SIN3B: variants seen among roughly 807,000 people sequenced by gnomAD.
SIN3B encodes the protein paired amphipathic helix protein Sin3b.
Under a neutral mutation model 120.2 loss-of-function variants are expected in SIN3B, and 19 were observed. The observed-to-expected ratio is 0.16, with a 90% CI of 0.11 to 0.23. The LOEUF (loss-of-function observed/expected upper bound fraction) is 0.23, where lower values mean the gene tolerates loss of function less well. Among genes scored for constraint, SIN3B ranks in the 10% least tolerant of loss-of-function variants. The pLI is 1.00. For synonymous variants in SIN3B, 654 were observed against 653.2 expected, an observed-to-expected ratio of 1.00 and a Z score of -0.02; for missense variants, 1,073 against 1,573.0, an observed-to-expected ratio of 0.68 and a Z score of 5.38.
intron 5 of SIN3B, among the ~76,000 whole-genome samples, chr19:16,848,509 A>AT (rs1193525854): frequency 1.6e-5 from 1 of 64,286 alleles, no homozygotes; most frequent in Non-Finnish European, 3.2e-5. Flanking sequence ...GTTTGTTTTT[A>AT]TTTTTTGAGA....
intron 6 of SIN3B, among the ~76,000 whole-genome samples, chr19:16,852,054 G>A (rs1275375753): frequency 6.6e-6 from 1 of 152,206 alleles, no homozygotes; most frequent in Non-Finnish European, 1.5e-5. Flanking sequence ...TGGACTCTGG[G>A]TTATAATCCA....
chr19:16,848,616 C>G (rs1044767823), intron 5 of SIN3B, among the ~76,000 whole-genome samples: 1 of 152,166 alleles, frequency 6.6e-6, no homozygotes, highest in African/African-American at 2.4e-5. Flanking sequence ...ATCCTCCCAC[C>G]TCAGCCTCCT....
At chr19:16,856,953 C>T (rs1319246770) in intron 8 of SIN3B, among the ~76,000 whole-genome samples, 1 of 152,114 alleles carries the variant, frequency 6.6e-6, no homozygotes, top group African/African-American at 2.4e-5. Flanking sequence ...TAGCCCTTTT[C>T]CCATTTACCC....
chr19:16,868,960 G>A (rs1213138307), intron 12 of SIN3B, among the ~76,000 whole-genome samples: 1 of 152,186 alleles, frequency 6.6e-6, no homozygotes, highest in African/African-American at 2.4e-5. Flanking sequence ...CAGAGGCAGA[G>A]AGGTCACGGC....
intron 14 of SIN3B, among the ~76,000 whole-genome samples, chr19:16,873,625 T>A (rs887332665): frequency 1.3e-5 from 2 of 150,574 alleles, no homozygotes; most frequent in Non-Finnish European, 3.0e-5. Flanking sequence ...ATGGAAAGCA[T>A]TGATTAATGC....
At chr19:16,874,086 C>T (rs2051549200) in intron 14 of SIN3B, among the ~76,000 whole-genome samples, 1 of 152,246 alleles carries the variant, frequency 6.6e-6, no homozygotes, top group Non-Finnish European at 1.5e-5. Flanking sequence ...CCCACGATCC[C>T]TGCTGTTTCC....
chr19:16,841,707 G>T, intron 3 of SIN3B, 61 bp from the exon 4 acceptor site: 1 of 1,482,094 alleles, frequency 6.7e-7, no homozygotes, highest in Non-Finnish European at 9.4e-7. Flanking sequence ...GCTGGGCCTG[G>T]TGTTTTTCAC....
Position 16,870,095 on chromosome 19 carries a change from C to G in SIN3B, c.2422+20C>G. The G allele has an allele frequency of 6.4e-7, 1 of 1,551,274 alleles. No homozygotes were observed. Among genetic ancestry groups the G allele is most frequent in the Non-Finnish European group, 8.7e-7 (1 of 1,147,450 alleles). On this transcript the variant is annotated intron_variant, in intron 13 of 18. Transcript: ENST00000248054. Reference sequence around the variant, plus strand: ...AGCCCAGTAAGGCTCCAAAGCCTGCCGGGAGGCCCCGGGGGGTGCCTGGGG... The same window carrying G: ...AGCCCAGTAAGGCTCCAAAGCCTGCGGGGAGGCCCCGGGGGGTGCCTGGGG...
In SIN3B at chr19:16,878,787, G is replaced by A. The variant is rs1047651436; in HGVS notation, c.*60G>A. 1 of 1,429,094 alleles carries A rather than the reference G, an allele frequency of 7.0e-7. No individual in the cohort carries two copies. The highest frequency in any genetic ancestry group is 9.4e-7 in the Non-Finnish European group (1 of 1,060,502). 88.5% of individuals were successfully genotyped at this position (1,429,094 alleles called of 1,614,324 possible). On this transcript the variant is annotated 3_prime_UTR_variant, in exon 19 of 19. Transcript: ENST00000248054. The stretch of plus-strand genomic sequence containing the variant: ...GAGCACAGACGTGCCCTCGGCCTTG[G>A]TCGTGTCGGGGCCGTTTTCTTGAAC...
At chr19:16,854,892 AATATT>A (rs1489260176) in intron 8 of SIN3B, 2 of 152,156 alleles carry the variant, frequency 1.3e-5, no homozygotes, top group Non-Finnish European at 2.9e-5. Flanking sequence ...TTCAGTGTTT[AATATT>A]AGAAGTGTTT....
chr19:16,829,433 G>GGCGGTGGCA lies in SIN3B; in HGVS notation c.29_37dup (p.Gly10_Gly12dup), dbSNP rs554426140. ...TCCGACTTCGGACATGGCGCACGCT[G>GGCGGTGGCA]GCGGTGGCAGCGGTGGCAGCGGTGC... On this transcript the variant is annotated inframe_insertion, in exon 1 of 19. Coordinates refer to ENST00000248054, the MANE Select transcript of SIN3B (RefSeq NM_001297595.2). 2,034 of 1,208,856 alleles carry GGCGGTGGCA rather than the reference G, an allele frequency of 1.7e-3. 12 individuals carry two copies. Among genetic ancestry groups the GGCGGTGGCA allele is most frequent in the South Asian group, 3.3e-3 (80 of 24,108 alleles). The allele number at this position is 1,208,856 out of a possible 1,614,324, so 74.9% of individuals were successfully genotyped here.
chr19:16,878,163 C>T lies in SIN3B; in HGVS notation c.2955-20C>T, dbSNP rs760196789. The T allele has an allele frequency of 1.9e-5, 30 of 1,538,478 alleles. No homozygotes were observed. In the South Asian group the frequency reaches 3.0e-4, roughly 16 times the overall value. On this transcript the variant is annotated intron_variant, in intron 17 of 18. Coordinates refer to ENST00000248054, the MANE Select transcript of SIN3B (RefSeq NM_001297595.2). ...ACAATGCCGAGAGCCAGAGTCCATT[C>T]CACCTCCTTTCGCCCCCAGGAACCT...
chr19:16,837,079 G>T (rs1971358195), intron 3 of SIN3B, among the ~76,000 whole-genome samples: 1 of 152,110 alleles, frequency 6.6e-6, no homozygotes, highest in Admixed American at 6.6e-5. Context: ...AGGGAAGGGT[G>T]GGAGGAGGTT....
intron 5 of SIN3B, among the ~76,000 whole-genome samples, chr19:16,851,209 G>C (rs1394394964): frequency 6.6e-6 from 1 of 152,140 alleles, no homozygotes; most frequent in Non-Finnish European, 1.5e-5. Context: ...CAGCCTGGCA[G>C]TGTTAGTCTG....
At chr19:16,837,816 G>A (rs1318003839) in intron 3 of SIN3B, among the ~76,000 whole-genome samples, 1 of 152,118 alleles carries the variant, frequency 6.6e-6, no homozygotes, top group African/African-American at 2.4e-5. Context: ...ATCTCAGGAT[G>A]CCTGATTCTC....
chr19:16,861,528 C>T (rs534346835), intron 8 of SIN3B, among the ~76,000 whole-genome samples: 13 of 152,122 alleles, frequency 8.5e-5, no homozygotes, highest in Admixed American at 4.6e-4. Context: ...TTTGGGAGGC[C>T]GAGGCGGGTG....
chr19:16,830,108 G>T (rs2144567699), intron 2 of SIN3B, among the ~76,000 whole-genome samples: 1 of 152,328 alleles, frequency 6.6e-6, no homozygotes, highest in East Asian at 1.9e-4. Flanking sequence ...CTGGAAGCAG[G>T]ACAGGGATCT....
intron 3 of SIN3B, 71 bp downstream of exon 3, chr19:16,831,718 G>C: frequency 7.2e-7 from 1 of 1,390,502 alleles, no homozygotes; most frequent in South Asian, 1.2e-5. Flanking sequence ...GTTGGGCCAC[G>C]TGTCTCTCCT....
rs1392189712 is a variant in SIN3B, at chr19:16,854,220, G to A, written c.1017G>A (p.Val339=). Residue 339 remains valine (V), a synonymous_variant, in exon 8 of 19, where the codon GTG becomes GTA. Coordinates refer to ENST00000248054, the MANE Select transcript of SIN3B (RefSeq NM_001297595.2). ...RCIALFNQEL[V]SGSELLQLVS... is the part of the protein sequence containing the mutation. Reference sequence around the variant, plus strand: ...TCGCACTCTTCAACCAGGAGCTGGTGTCTGGCTCTGAGCTCCTGCAGCTCG... The same window carrying A: ...TCGCACTCTTCAACCAGGAGCTGGTATCTGGCTCTGAGCTCCTGCAGCTCG... 2 of 1,612,956 alleles carry A rather than the reference G, an allele frequency of 1.2e-6. No individual in the cohort carries two copies. Among genetic ancestry groups the A allele is most frequent in the South Asian group, 1.1e-5 (1 of 90,972 alleles).
Sources: allele counts gnomAD v4.1 joint callset (sites outside exome capture counted in the v4.1 genomes callset), GRCh38; gene constraint gnomAD v4.1.1; transcripts MANE v1.5; gene names NCBI Gene and HGNC (gene_info 2026-07-23, HGNC 2026-07-21).